The following METTL17 variants were observed in gnomAD, a reference collection of about 807,000 sequenced individuals.
The protein encoded by METTL17 is methyltransferase like 17.
A neutral mutation model predicts 59.4 loss-of-function variants in METTL17; 49 were observed. That is an observed-to-expected ratio of 0.82 (90% CI 0.66 to 1.05). The LOEUF (loss-of-function observed/expected upper bound fraction) is 1.05, where lower values mean the gene tolerates loss of function less well. Ranked by LOEUF, METTL17 falls within the 50% of genes least tolerant of loss-of-function variation. METTL17 has a pLI of 0.00. For missense variants in METTL17, 555 were observed against 578.4 expected, an observed-to-expected ratio of 0.96 and a Z score of 0.41; for synonymous variants, 208 against 209.2, an observed-to-expected ratio of 0.99 and a Z score of 0.05.
At chr14:20,991,508 A>G (rs1880024869) in intron 3 of METTL17, among the ~76,000 whole-genome samples, 1 of 151,952 alleles carries the variant, frequency 6.6e-6, no homozygotes, top group South Asian at 2.1e-4. Context: ...TCCAAAAAAT[A>G]ATGTCCTTGG....
In METTL17 at chr14:20,996,670, G is replaced by A. The variant is rs141920489; in HGVS notation, c.1224G>A (p.Gly408=). The A allele has an allele frequency of 4.8e-5, 78 of 1,614,242 alleles. No individual in the cohort carries two copies. In the African/African-American group the frequency reaches 9.5e-4, roughly 20 times the overall value. The part of the protein sequence containing the change: ...HVHCHLCCPD[G]HMQHAVLTAR... ...ATTGTCACTTGTGCTGTCCAGATGG[G>A]CACATGCAGCATGCTGTGCTCACAG... The change falls in exon 13 of 14, where the codon GGG becomes GGA. Residue 408 remains glycine, a synonymous_variant. Transcript: ENST00000339374.
At chr14:20,993,339 C>A in intron 6 of METTL17, 148 bp downstream of exon 6, 1 of 672,542 alleles carries the variant, frequency 1.5e-6, no homozygotes, top group Non-Finnish European at 2.6e-6. Context: ...TTAGGCAAGG[C>A]AGAAGAAGGT....
In METTL17 at chr14:20,996,981, GT is replaced by G; in HGVS notation, c.*92del. ...GAGGGGAATGCTGGTATCCCCATAT[GT>G]CTGTGTTTGTTTGAGATTTTTAATA... On this transcript the variant is annotated 3_prime_UTR_variant, in exon 14 of 14. Transcript: ENST00000339374. The G allele has an allele frequency of 7.9e-7, 1 of 1,269,566 alleles. No homozygotes were observed. Among genetic ancestry groups the G allele is most frequent in the Non-Finnish European group, 1.1e-6 (1 of 942,594 alleles). The allele number at this position is 1,269,566 out of a possible 1,614,324, so 78.6% of individuals were successfully genotyped here.
intron 5 of METTL17, 75 bp from the exon 6 acceptor site, chr14:20,993,043 C>G (rs1880123691): frequency 8.0e-7 from 1 of 1,251,376 alleles, no homozygotes; most frequent in Non-Finnish European, 1.2e-6. Flanking sequence ...CTGTGATAGC[C>G]TCCTAATTCA....
intron 10 of METTL17, 152 bp from the exon 11 acceptor site, chr14:20,995,749 A>G: frequency 1.6e-6 from 1 of 636,236 alleles, no homozygotes; most frequent in Non-Finnish European, 2.8e-6. Context: ...TGTTTGGAGT[A>G]TTAAAGATGC....
chr14:20,990,715 C>A lies in METTL17; in HGVS notation c.364+117C>A. On this transcript the variant is annotated intron_variant, in intron 3 of 13. Transcript: ENST00000339374. ...GAAGTCTCTTATTTGACTTTCTAAC[C>A]AGAGCAGCAGTTGTTACAATGATGC... 3 of 1,299,222 alleles carry A rather than the reference C, an allele frequency of 2.3e-6. No individual in the cohort carries two copies. In the Middle Eastern group the frequency reaches 6.8e-4, roughly 293 times the overall value. 80.5% of individuals were successfully genotyped at this position (1,299,222 alleles called of 1,614,324 possible).
In METTL17 at chr14:20,993,996, C is replaced by T; in HGVS notation, c.630C>T (p.Ser210=). 1 of 1,613,512 alleles carries T rather than the reference C, an allele frequency of 6.2e-7. No homozygotes were observed. The highest frequency in any genetic ancestry group is 8.5e-7 in the Non-Finnish European group (1 of 1,179,772). Residue 210 remains serine (S), a synonymous_variant, in exon 7 of 14, where the codon AGC becomes AGT. Coordinates refer to ENST00000339374, the MANE Select transcript of METTL17 (RefSeq NM_022734.3). Reference sequence around the variant, plus strand: ...CTGCTCACAGTATTTGGGGCCAGAGCCTACGTGAATATATGTGTGTGGACA... The same window carrying T: ...CTGCTCACAGTATTTGGGGCCAGAGTCTACGTGAATATATGTGTGTGGACA... ...TWAAHSIWGQ[S]LREYMCVDRS... is the part of the protein sequence containing the mutation.
At chr14:20,991,261 T>C (rs1880016452) in intron 3 of METTL17, among the ~76,000 whole-genome samples, 1 of 152,166 alleles carries the variant, frequency 6.6e-6, no homozygotes, top group Admixed American at 6.5e-5. Context: ...TCTTCTGGGA[T>C]AAGAGGGTAA....
At chr14:20,992,777 C>A in intron 5 of METTL17, 155 bp downstream of exon 5, 2 of 643,710 alleles carry the variant, frequency 3.1e-6, no homozygotes, top group Non-Finnish European at 2.7e-6. Context: ...CCTGCAGTCC[C>A]AACTGTTTGG....
rs768470407 is a variant in METTL17, at chr14:20,990,598, G to T, written c.364G>T (p.Asp122Tyr). Residue 122 changes from aspartate to tyrosine, a missense_variant and splice_region_variant, in exon 3 of 14, where the codon GAC becomes TAC. Asp to Tyr is a radical substitution (Grantham distance 160). Coordinates refer to ENST00000339374, the MANE Select transcript of METTL17 (RefSeq NM_022734.3). ...TGAGAAAAAATTCCTGGAAAACCCA[G>T]GTAGGACTTAAGAATAATTAAAAAG... ...HLEKKFLENP[D>Y]LSQTEEKLRG... 1.5e-5 allele frequency: 25 copies of T among 1,614,016 alleles called. No individual in the cohort carries two copies. Among genetic ancestry groups the T allele is most frequent in the Non-Finnish European group, 2.1e-5 (25 of 1,179,994 alleles).
In METTL17 at chr14:20,996,713, T is replaced by C. The variant is rs201491484; in HGVS notation, c.1265+2T>C. 6.2e-7 allele frequency: 1 copy of C among 1,613,416 alleles called. No individual in the cohort carries two copies. The highest frequency in any genetic ancestry group is 1.1e-5 in the South Asian group (1 of 91,076). ...GCTCACAGCCCGCCGGCACGGCAGG[T>C]ATGGGGGGTGTGACCAAAATCAGTG... is the stretch of plus-strand genomic sequence containing the variant. On this transcript the variant is annotated splice_donor_variant, in intron 13 of 13. Transcript: ENST00000339374. LOFTEE classifies it high-confidence loss of function.
At chr14:20,993,811 A>C (rs1429805413) in intron 6 of METTL17, 158 bp from the exon 7 acceptor site, 1 of 477,766 alleles carries the variant, frequency 2.1e-6, no homozygotes, top group Non-Finnish European at 3.7e-6. Flanking sequence ...TAAATAAAAC[A>C]AGAAAATAAC....
At chr14:20,993,759 C>A (rs1429672374) in intron 6 of METTL17, 2 of 357,798 alleles carry the variant, frequency 5.6e-6, no homozygotes, top group Non-Finnish European at 5.1e-6. Flanking sequence ...AAGCATGAGC[C>A]ACTGTGCCCA....
intron 11 of METTL17, 115 bp from the exon 12 acceptor site, chr14:20,996,094 C>T (rs921502385): frequency 7.9e-7 from 1 of 1,267,236 alleles, no homozygotes; most frequent in East Asian, 2.3e-5. Flanking sequence ...GCTCTTCCTA[C>T]CCACTGCTCC....
chr14:20,994,186 G>C, intron 7 of METTL17, 123 bp downstream of exon 7: 1 of 719,370 alleles, frequency 1.4e-6, no homozygotes, highest in Non-Finnish European at 2.3e-6. Flanking sequence ...TACTTTTAAA[G>C]TTATAGTCAA....
At chr14:20,992,440 C>T in intron 4 of METTL17, 101 bp from the exon 5 acceptor site, 1 of 1,004,902 alleles carries the variant, frequency 1.0e-6, no homozygotes, top group Non-Finnish European at 1.6e-6. Flanking sequence ...AAGGCCTGAG[C>T]TGGAAGAGCC....
chr14:20,996,359 A>C, intron 12 of METTL17, 67 bp downstream of exon 12: 1 of 1,542,414 alleles, frequency 6.5e-7, no homozygotes, highest in Non-Finnish European at 8.9e-7. Flanking sequence ...AAAGAATCAG[A>C]GTTAGGAGGA....
At chr14:20,993,847 A>G (rs1196286094) in intron 6 of METTL17, 122 bp from the exon 7 acceptor site, 3 of 612,174 alleles carry the variant, frequency 4.9e-6, no homozygotes, top group East Asian at 5.5e-5. Flanking sequence ...ATTACTAACT[A>G]TACAACTACT....
intron 5 of METTL17, 106 bp from the exon 6 acceptor site, chr14:20,993,012 G>A: frequency 1.1e-6 from 1 of 906,994 alleles, no homozygotes; most frequent in South Asian, 1.3e-5. Flanking sequence ...AATCTCAAAA[G>A]GCATTCACAT....
Sources: allele counts gnomAD v4.1 joint callset (sites outside exome capture counted in the v4.1 genomes callset), GRCh38; gene constraint gnomAD v4.1.1; transcripts MANE v1.5; gene names NCBI Gene and HGNC (gene_info 2026-07-23, HGNC 2026-07-21).